The following SYT1 variants were observed in gnomAD, a reference collection of about 807,000 sequenced individuals.
SYT1 encodes synaptotagmin-1.
Under a neutral mutation model 44.8 loss-of-function variants are expected in SYT1, and 8 were observed. That is an observed-to-expected ratio of 0.18 (90% CI 0.10 to 0.32). SYT1 has a LOEUF of 0.32. Among genes scored for constraint, SYT1 ranks in the 10% least tolerant of loss-of-function variants. SYT1 has a pLI of 1.00. For synonymous variants in SYT1, 154 were observed against 188.8 expected, an observed-to-expected ratio of 0.82 and a Z score of 1.51; for missense variants, 286 against 509.3, an observed-to-expected ratio of 0.56 and a Z score of 4.22.
At chr12:79,197,558 T>C (rs2138479371) in intron 3 of SYT1, among the ~76,000 whole-genome samples, 1 of 152,224 alleles carries the variant, frequency 6.6e-6, no homozygotes, top group South Asian at 2.1e-4. Flanking sequence ...AAAGAGAAAA[T>C]GCTTAAGAAT....
At chr12:79,194,379 T>C (rs1277895048) in intron 3 of SYT1, among the ~76,000 whole-genome samples, 1 of 152,134 alleles carries the variant, frequency 6.6e-6, no homozygotes, top group East Asian at 1.9e-4. Context: ...CACATCAGAT[T>C]CACCTGGAGG....
rs1301251398 is a variant in SYT1 at position 78,984,330 on chromosome 12, AT to A, written c.-84+6405del. ...CCATTGCAGTATGCCAGTTTTGTTT[AT>A]TTTTTATGGCACAAATACCACAATG... On this transcript the variant is annotated intron_variant, in intron 2 of 10. Transcript: ENST00000261205. Among the ~76,000 whole-genome samples the A allele has an allele frequency of 1.3e-4, 20 of 152,022 alleles. 1 individual carries two copies. The South Asian group carries it at 4.1e-3, about 31-fold the overall frequency.
intron 3 of SYT1, among the ~76,000 whole-genome samples, chr12:79,083,437 T>C (rs999103237): frequency 2.0e-5 from 3 of 152,086 alleles, no homozygotes; most frequent in Non-Finnish European, 4.4e-5. Flanking sequence ...TAAGGAGTTA[T>C]GGGCCAGGAT....
chr12:79,385,880 G>C (rs1884416534), intron 9 of SYT1, among the ~76,000 whole-genome samples: 1 of 152,178 alleles, frequency 6.6e-6, no homozygotes, highest in East Asian at 1.9e-4. Flanking sequence ...AATTGTTATT[G>C]TCAGTTAGCT....
At chr12:79,280,967 A>G (rs1879018648) in intron 4 of SYT1, among the ~76,000 whole-genome samples, 2 of 148,668 alleles carry the variant, frequency 1.3e-5, no homozygotes, top group Non-Finnish European at 1.5e-5. Context: ...TACAGTCAGA[A>G]TGGCCATTAA....
At chr12:79,341,247 T>C (rs1882360765) in intron 8 of SYT1, 1 of 152,156 alleles carries the variant, frequency 6.6e-6, no homozygotes, top group African/African-American at 2.4e-5. Context: ...TATTTCAGGC[T>C]AGGCTACAAT....
chr12:79,272,789 G>T (rs1351441625), intron 4 of SYT1, among the ~76,000 whole-genome samples: 1 of 152,094 alleles, frequency 6.6e-6, no homozygotes, highest in South Asian at 2.1e-4. Flanking sequence ...AAGGAGAGGG[G>T]AAAAATGTAG....
intron 8 of SYT1, among the ~76,000 whole-genome samples, chr12:79,309,164 A>G (rs2138924776): frequency 6.6e-6 from 1 of 152,348 alleles, no homozygotes; most frequent in African/African-American, 2.4e-5. Flanking sequence ...AACTGCAGCT[A>G]TCCTGGTGTT....
chr12:78,958,883 T>C (rs187621899), intron 1 of SYT1, among the ~76,000 whole-genome samples: 1 of 151,798 alleles, frequency 6.6e-6, no homozygotes, highest in Non-Finnish European at 1.5e-5. Context: ...CAAGTCTACT[T>C]TTTTTTTGAT....
At chr12:78,914,630 A>T (rs186901232) in intron 1 of SYT1, among the ~76,000 whole-genome samples, 16 of 151,388 alleles carry the variant, frequency 1.1e-4, no homozygotes, top group African/African-American at 2.4e-4. Flanking sequence ...CATAAGTTTA[A>T]ATAGACATAT....
intron 3 of SYT1, among the ~76,000 whole-genome samples, chr12:79,089,170 G>T (rs1487063049): frequency 6.6e-6 from 1 of 152,022 alleles, no homozygotes; most frequent in African/African-American, 2.4e-5. Flanking sequence ...TCATAAAAGA[G>T]AAATCTGTTT....
At chr12:78,895,780 T>G (rs530523610) in intron 1 of SYT1, among the ~76,000 whole-genome samples, 1 of 151,848 alleles carries the variant, frequency 6.6e-6, no homozygotes, top group Non-Finnish European at 1.5e-5. Context: ...AGTCCATATT[T>G]TGATCTATGG....
At chr12:79,121,858 A>G (rs1879616014) in intron 3 of SYT1, among the ~76,000 whole-genome samples, 1 of 152,250 alleles carries the variant, frequency 6.6e-6, no homozygotes, top group Admixed American at 6.5e-5. Context: ...ATTGAATAAT[A>G]TACAAATAGT....
At chr12:79,293,178 G>T (rs1483977265) in intron 6 of SYT1, among the ~76,000 whole-genome samples, 5 of 147,182 alleles carry the variant, frequency 3.4e-5, no homozygotes, top group Non-Finnish European at 6.0e-5. Flanking sequence ...AAAAAAATTA[G>T]CTGGGCGTGG....
intron 4 of SYT1, among the ~76,000 whole-genome samples, chr12:79,221,601 G>T (rs1875165756): frequency 6.6e-6 from 1 of 151,820 alleles, no homozygotes; most frequent in Non-Finnish European, 1.5e-5. Context: ...TTACCATGAG[G>T]TTTTCAAAAA....
chr12:79,050,206 A>G (rs1049881292), intron 3 of SYT1, among the ~76,000 whole-genome samples: 1 of 152,096 alleles, frequency 6.6e-6, no homozygotes, highest in East Asian at 1.9e-4. Flanking sequence ...AGAAAATATT[A>G]CTAAGAAAAT....
intron 2 of SYT1, among the ~76,000 whole-genome samples, chr12:79,009,651 T>G (rs1166239510): frequency 6.6e-6 from 1 of 152,172 alleles, no homozygotes; most frequent in Non-Finnish European, 1.5e-5. Flanking sequence ...TGTGCCAATA[T>G]CATCTAGCTG....
At chr12:78,915,667 T>G (rs898177983) in intron 1 of SYT1, among the ~76,000 whole-genome samples, 7 of 152,024 alleles carry the variant, frequency 4.6e-5, no homozygotes, top group Admixed American at 6.6e-5. Flanking sequence ...ACAACAAAAT[T>G]TGTCTGAATA....
At chr12:79,239,093 A>G (rs113038012) in intron 4 of SYT1, among the ~76,000 whole-genome samples, 7 of 152,348 alleles carry the variant, frequency 4.6e-5, no homozygotes, top group African/African-American at 1.7e-4. Flanking sequence ...CAGGCACTAA[A>G]TAATTACTTT....
Sources: gnomAD v4.1 joint callset for allele counts (sites outside exome capture counted in the v4.1 genomes callset) on GRCh38, gnomAD v4.1.1 for gene constraint, MANE v1.5 for transcripts, NCBI Gene and HGNC (gene_info 2026-07-23, HGNC 2026-07-21) for gene names.